The following VSTM4 variants were observed in gnomAD, a reference collection of about 807,000 sequenced individuals.
VSTM4 encodes the protein V-set and transmembrane domain-containing protein 4.
In VSTM4, 20 loss-of-function variants were observed where a neutral mutation model predicts 36.4. The ratio of observed to expected loss-of-function variants is 0.55; its 90% CI spans 0.39 to 0.80. The LOEUF (loss-of-function observed/expected upper bound fraction) is 0.80, where lower values mean the gene tolerates loss of function less well. Ranked by LOEUF, VSTM4 falls within the 30% of genes least tolerant of loss-of-function variation. The probability of loss-of-function intolerance (pLI) is 0.00; values close to 1 mark genes in which losing one functional copy is unlikely to be tolerated. For missense variants in VSTM4, 392 were observed against 404.5 expected (o/e 0.97, Z 0.26); for synonymous variants, 182 against 173.9 (o/e 1.05, Z -0.37).
chr10:49,081,199 A>G (rs1844272077), intron 3 of VSTM4, among the ~76,000 whole-genome samples: 1 of 152,150 alleles, frequency 6.6e-6, no homozygotes, highest in Non-Finnish European at 1.5e-5. Context: ...CCAGAACAGG[A>G]TGGCAGAGCC....
In VSTM4 at chr10:49,115,239, T is replaced by G. The variant is rs1844972787; in HGVS notation, c.55+192A>C. On this transcript the variant is annotated intron_variant, in intron 1 of 7. Transcript: ENST00000332853. Reference sequence around the variant, plus strand: ...GCTCACGGGAGGCGTCCTCTGAACCTTGGGGAGGCGCCGCTGCGCCCGCCA... The same window carrying G: ...GCTCACGGGAGGCGTCCTCTGAACCGTGGGGAGGCGCCGCTGCGCCCGCCA... 2.0e-5 allele frequency among the ~76,000 whole-genome samples: 3 copies of G among 151,650 alleles called. No individual in the cohort carries two copies. In the South Asian group the frequency reaches 6.2e-4, roughly 31 times the overall value.
Position 49,048,670 on chromosome 10 carries a change from A to G in VSTM4, c.669-86T>C, listed in dbSNP as rs185395475. 168 of 1,130,808 alleles carry G rather than the reference A, an allele frequency of 1.5e-4. No homozygotes were observed. The African/African-American group carries it at 2.4e-3, about 16-fold the overall frequency. The allele number at this position is 1,130,808 out of a possible 1,614,324, so 70.0% of individuals were successfully genotyped here. ...AAAAAAAAACCCACAATAGCTTCCA[A>G]TAGTTTCTGAGTGCTCCCTGTGTAC... On this transcript the variant is annotated intron_variant, in intron 5 of 7. Transcript: ENST00000332853.
intron 5 of VSTM4, among the ~76,000 whole-genome samples, chr10:49,059,773 A>G (rs1843843214): frequency 6.6e-6 from 1 of 152,196 alleles, no homozygotes; most frequent in Non-Finnish European, 1.5e-5. Context: ...ACAGGTGTAT[A>G]ATTCAATAGC....
intron 6 of VSTM4, among the ~76,000 whole-genome samples, chr10:49,047,993 C>T (rs901100378): frequency 6.6e-6 from 1 of 152,188 alleles, no homozygotes; most frequent in Non-Finnish European, 1.5e-5. Flanking sequence ...ACTTACATTG[C>T]TCTAAATCAT....
chr10:49,042,841 A>G (rs1304822676), intron 7 of VSTM4, among the ~76,000 whole-genome samples: 3 of 152,192 alleles, frequency 2.0e-5, no homozygotes, highest in Non-Finnish European at 4.4e-5. Context: ...AACACAAAAT[A>G]TGTCAGGGTG....
At chr10:49,101,535 T>C (rs911742301) in intron 2 of VSTM4, among the ~76,000 whole-genome samples, 1 of 152,204 alleles carries the variant, frequency 6.6e-6, no homozygotes, top group Non-Finnish European at 1.5e-5. Flanking sequence ...TTGAATATAA[T>C]AATCGAAATT....
In VSTM4 at chr10:49,047,032, G is replaced by A. The variant is rs138183674; in HGVS notation, c.788C>T (p.Pro263Leu). ...PAVPAKAPIA[P>L]TFHKPKLLKP... ...CAGCAGCTTCGGTTTATGGAACGTG[G>A]GGGCTATCGGAGCTGTGGAAGTAGG... The change falls in exon 7 of 8, where the codon CCC becomes CTC. Residue 263 changes from proline (P) to leucine (L), a missense_variant. Coordinates refer to ENST00000332853, the MANE Select transcript of VSTM4 (RefSeq NM_001031746.5). 1.2e-6 allele frequency: 2 copies of A among 1,614,036 alleles called. No individual in the cohort carries two copies. The highest frequency in any genetic ancestry group is 2.7e-5 in the African/African-American group (2 of 74,918).
At chr10:49,094,923 T>G (rs1844542309) in intron 2 of VSTM4, among the ~76,000 whole-genome samples, 1 of 152,106 alleles carries the variant, frequency 6.6e-6, no homozygotes, top group Admixed American at 6.5e-5. Flanking sequence ...GGGGCTCAAA[T>G]AAAGCCATAT....
At chr10:49,071,096 C>T (rs902762868) in intron 4 of VSTM4, among the ~76,000 whole-genome samples, 4 of 152,206 alleles carry the variant, frequency 2.6e-5, no homozygotes, top group African/African-American at 9.6e-5. Context: ...GTTTAACAAG[C>T]CTTGGGAGGT....
rs1279987274 is a variant in VSTM4, at chr10:49,014,787, C to G, written c.*4863G>C. The G allele has an allele frequency of 2.0e-5, 3 of 153,030 alleles. No individual in the cohort carries two copies. The highest frequency in any genetic ancestry group is 4.4e-5 in the Non-Finnish European group (3 of 68,640). 9.5% of individuals were successfully genotyped at this position (153,030 alleles called of 1,614,324 possible). On this transcript the variant is annotated 3_prime_UTR_variant, in exon 8 of 8. Transcript: ENST00000332853. The stretch of plus-strand genomic sequence containing the variant: ...TCCTGGCTCTCCCCTGCTGCTGTGA[C>G]TGTCACTGTCCTCTGATCTCCACCT...
At position 49,107,805 on chromosome 10, in the gene VSTM4, C is replaced by T. The variant is rs532830522; in HGVS notation, c.246G>A (p.Arg82=). The change falls in exon 2 of 8, where the codon CGG becomes CGA. Residue 82 remains arginine, a synonymous_variant. Transcript: ENST00000332853. The part of the protein sequence containing the change: ...EALMVKMTKL[R]VVQYYGNFSR... ...TGAAATTCCCATAGTACTGCACCAC[C>T]CGGAGCTTGGTCATCTTCACCATCA... is the stretch of plus-strand genomic sequence containing the variant. 7.4e-6 allele frequency: 12 copies of T among 1,614,276 alleles called. No homozygotes were observed. The African/African-American group carries it at 1.5e-4, about 20-fold the overall frequency.
At chr10:49,068,780 C>A (rs35462783) in intron 4 of VSTM4, among the ~76,000 whole-genome samples, 162 of 151,984 alleles carry the variant, frequency 1.1e-3, no homozygotes, top group African/African-American at 3.8e-3. Context: ...TGGAAAGTGC[C>A]GGAGACCAAG....
intron 5 of VSTM4, among the ~76,000 whole-genome samples, chr10:49,062,357 T>C (rs1406314635): frequency 2.0e-5 from 3 of 152,138 alleles, no homozygotes; most frequent in Non-Finnish European, 4.4e-5. Context: ...AAAGTTGGTC[T>C]GACAGTGACA....
At chr10:49,055,112 T>C (rs1843756588) in intron 5 of VSTM4, among the ~76,000 whole-genome samples, 1 of 152,208 alleles carries the variant, frequency 6.6e-6, no homozygotes, top group Non-Finnish European at 1.5e-5. Context: ...GGATGTCAAA[T>C]GCTTTCGTCA....
At chr10:49,081,923 A>T (rs1223738417) in intron 3 of VSTM4, among the ~76,000 whole-genome samples, 3 of 152,230 alleles carry the variant, frequency 2.0e-5, no homozygotes. Flanking sequence ...CAGTATGCCT[A>T]TGTTCCGAAT....
intron 7 of VSTM4, among the ~76,000 whole-genome samples, chr10:49,023,062 A>G (rs1445752587): frequency 6.6e-6 from 1 of 152,260 alleles, no homozygotes; most frequent in African/African-American, 2.4e-5. Flanking sequence ...TAGTACTTTC[A>G]TAAGTGGAAA....
rs149274452 is a variant in VSTM4 at position 49,059,788 on chromosome 10, A to C, written c.668+4915T>G. On this transcript the variant is annotated intron_variant, in intron 5 of 7. Transcript: ENST00000332853. ...ACAGGTGTATAATTCAATAGCTTTT[A>C]GATTCATGCATCACTACAATACAGT... Among the ~76,000 whole-genome samples the C allele has an allele frequency of 3.2e-3, 494 of 152,360 alleles. 9 individuals are homozygous for C. Among genetic ancestry groups the C allele is most frequent in the African/African-American group, 0.011 (477 of 41,584 alleles).
intron 7 of VSTM4, among the ~76,000 whole-genome samples, chr10:49,030,004 G>A (rs1305749480): frequency 6.6e-6 from 1 of 152,226 alleles, no homozygotes; most frequent in Admixed American, 6.5e-5. Context: ...GGTTCCCAGT[G>A]TACCTCTGGG....
At chr10:49,047,496 T>C (rs1439473450) in intron 6 of VSTM4, among the ~76,000 whole-genome samples, 1 of 152,204 alleles carries the variant, frequency 6.6e-6, no homozygotes, top group Non-Finnish European at 1.5e-5. Context: ...CACGGTGTCA[T>C]GTCACTAATC....
Sources: allele counts gnomAD v4.1 joint callset (sites outside exome capture counted in the v4.1 genomes callset), GRCh38; gene constraint gnomAD v4.1.1; transcripts MANE v1.5; gene names NCBI Gene and HGNC (gene_info 2026-07-23, HGNC 2026-07-21).